The following SLIT2 variants were observed in gnomAD, a reference collection of about 807,000 sequenced individuals.
The protein encoded by SLIT2 is slit guidance ligand 2.
SLIT2 carries 41 observed loss-of-function variants against 185.7 expected under a neutral mutation model. The ratio of observed to expected loss-of-function variants is 0.22; its 90% CI spans 0.17 to 0.29. The LOEUF is 0.29. SLIT2 is among the 10% of genes least tolerant of loss of function. The probability of loss-of-function intolerance (pLI) is 1.00; values close to 1 mark genes in which losing one functional copy is unlikely to be tolerated. For missense variants in SLIT2, 1,571 were observed against 1,909.0 expected, an observed-to-expected ratio of 0.82 and a Z score of 3.30; for synonymous variants, 693 against 680.2, an observed-to-expected ratio of 1.02 and a Z score of -0.29.
In SLIT2 at chr4:20,338,418, C is replaced by T. The variant is rs116744382; in HGVS notation, c.395+69537C>T. Among the ~76,000 whole-genome samples, 822 of 152,196 alleles carry T rather than the reference C, an allele frequency of 5.4e-3. 5 individuals are homozygous for T. The highest frequency in any genetic ancestry group is 0.019 in the African/African-American group (781 of 41,520). On this transcript the variant is annotated intron_variant, in intron 4 of 36. Coordinates refer to ENST00000504154, the MANE Select transcript of SLIT2 (RefSeq NM_004787.4). ...TGTCCCTAAAAGATTCAGAAAATGA[C>T]GCTTTGATGTTAGCTTTGAAGCAGG...
intron 4 of SLIT2, among the ~76,000 whole-genome samples, chr4:20,350,230 A>AT (rs558427082): frequency 1.2e-4 from 18 of 151,660 alleles, no homozygotes; most frequent in East Asian, 3.9e-4. Context: ...TTCTGAAGTG[A>AT]TTTTTTTTAT....
chr4:20,286,912 T>C (rs1715326137), intron 4 of SLIT2, among the ~76,000 whole-genome samples: 1 of 152,174 alleles, frequency 6.6e-6, no homozygotes, highest in East Asian at 1.9e-4. Context: ...CACTCAAAGG[T>C]ACTCTGATAA....
chr4:20,519,597 C>A, intron 12 of SLIT2, 144 bp downstream of exon 12: 1 of 592,976 alleles, frequency 1.7e-6, no homozygotes, highest in Non-Finnish European at 3.0e-6. Context: ...TCCAGTCAAG[C>A]TAGTATTCGT....
chr4:20,303,167 G>T (rs1317118969), intron 4 of SLIT2, among the ~76,000 whole-genome samples: 1 of 152,112 alleles, frequency 6.6e-6, no homozygotes, highest in Admixed American at 6.6e-5. Flanking sequence ...TTTAATACAG[G>T]TTCACTCTTT....
At chr4:20,280,627 TTCTC>T (rs1714657494) in intron 4 of SLIT2, among the ~76,000 whole-genome samples, 1 of 152,176 alleles carries the variant, frequency 6.6e-6, no homozygotes, top group African/African-American at 2.4e-5. Context: ...CTAAGATGTG[TTCTC>T]TCTGTTTTTC....
intron 4 of SLIT2, among the ~76,000 whole-genome samples, chr4:20,339,817 T>TA (rs929953541): frequency 1.9e-4 from 29 of 148,806 alleles, no homozygotes; most frequent in South Asian, 1.7e-3. Flanking sequence ...CAGTGTGATT[T>TA]AAAAAAAAAA....
At chr4:20,425,511 G>A (rs749544256) in intron 4 of SLIT2, among the ~76,000 whole-genome samples, 3 of 151,996 alleles carry the variant, frequency 2.0e-5, no homozygotes, top group East Asian at 1.9e-4. Flanking sequence ...GTTTATACAC[G>A]TGTGTGGTGT....
intron 29 of SLIT2, among the ~76,000 whole-genome samples, chr4:20,583,745 G>T (rs1726801947): frequency 6.6e-6 from 1 of 151,870 alleles, no homozygotes; most frequent in Non-Finnish European, 1.5e-5. Flanking sequence ...GGAGGCAGAG[G>T]TTGCAGTGAG....
intron 4 of SLIT2, among the ~76,000 whole-genome samples, chr4:20,272,464 T>A (rs898467176): frequency 1.3e-5 from 2 of 152,016 alleles, no homozygotes; most frequent in Non-Finnish European, 2.9e-5. Context: ...TGATTATGAT[T>A]GATTGAAATT....
At chr4:20,324,492 G>T (rs1394421973) in intron 4 of SLIT2, among the ~76,000 whole-genome samples, 1 of 152,118 alleles carries the variant, frequency 6.6e-6, no homozygotes, top group Non-Finnish European at 1.5e-5. Context: ...CCAAAGGGCA[G>T]AAACCTGCAA....
chr4:20,275,727 A>G (rs914503144), intron 4 of SLIT2, among the ~76,000 whole-genome samples: 1 of 152,168 alleles, frequency 6.6e-6, no homozygotes, highest in Non-Finnish European at 1.5e-5. Flanking sequence ...AGATCTCTTC[A>G]TGCTCTCCCA....
At chr4:20,265,311 C>A (rs1712913287) in intron 3 of SLIT2, among the ~76,000 whole-genome samples, 1 of 151,880 alleles carries the variant, frequency 6.6e-6, no homozygotes, top group Admixed American at 6.6e-5. Context: ...AGGCGGCTAT[C>A]CTTTAAAATT....
rs536750168 is a variant in SLIT2 at position 20,586,712 on chromosome 4, A to G, written c.3089-2932A>G. Among the ~76,000 whole-genome samples, 8 of 152,354 alleles carry G rather than the reference A, an allele frequency of 5.3e-5. No individual in the cohort carries two copies. The South Asian group carries it at 1.7e-3, about 32-fold the overall frequency. On this transcript the variant is annotated intron_variant, in intron 29 of 36. Coordinates refer to ENST00000504154, the MANE Select transcript of SLIT2 (RefSeq NM_004787.4). ...CATGTATATGTCATAAGATAGGCAT[A>G]GTCAAACACAATATAAAATTAGAGA...
chr4:20,465,104 T>C (rs1055400294), intron 4 of SLIT2, among the ~76,000 whole-genome samples: 1 of 152,204 alleles, frequency 6.6e-6, no homozygotes, highest in Non-Finnish European at 1.5e-5. Context: ...TAGGATGAGT[T>C]AGGGAAAAGC....
intron 4 of SLIT2, among the ~76,000 whole-genome samples, chr4:20,368,233 AAGAAAAAAAAG>A (rs1235310011): frequency 8.0e-5 from 12 of 150,612 alleles, no homozygotes; most frequent in African/African-American, 2.9e-4. Flanking sequence ...AAAAAAAAAA[AAGAAAAAAAAG>A]AAAGAAAAAA....
At chr4:20,468,609 C>CTCTCTAAAT (rs1317987685) in intron 5 of SLIT2, among the ~76,000 whole-genome samples, 1 of 151,980 alleles carries the variant, frequency 6.6e-6, no homozygotes, top group Admixed American at 6.6e-5. Context: ...ATATCAATAT[C>CTCTCTAAAT]TCTCTAAATT....
intron 4 of SLIT2, among the ~76,000 whole-genome samples, chr4:20,456,476 GC>G (rs908879182): frequency 2.4e-4 from 37 of 152,034 alleles, no homozygotes; most frequent in Non-Finnish European, 2.4e-4. Context: ...TGATTTGCAT[GC>G]CACCTCACTC....
chr4:20,563,392 G>A lies in SLIT2; in HGVS notation c.2726-3870G>A, dbSNP rs190067324. Among the ~76,000 whole-genome samples, 192 of 151,848 alleles carry A rather than the reference G, an allele frequency of 1.3e-3. 3 individuals carry two copies. Among genetic ancestry groups the A allele is most frequent in the Admixed American group, 9.1e-3 (138 of 15,208 alleles). On this transcript the variant is annotated intron_variant, in intron 26 of 36. Coordinates refer to ENST00000504154, the MANE Select transcript of SLIT2 (RefSeq NM_004787.4). ...TCTTGGAACCAGTTAGCTTTAGAAA[G>A]GAGAAAAGCTTAAAGATTGCAGTTC...
chr4:20,333,426 T>C (rs550560118), intron 4 of SLIT2, among the ~76,000 whole-genome samples: 2 of 152,248 alleles, frequency 1.3e-5, no homozygotes, highest in South Asian at 4.1e-4. Flanking sequence ...TTTAAATCAT[T>C]GTATGATTAT....
Sources: gnomAD v4.1 joint callset for allele counts (sites outside exome capture counted in the v4.1 genomes callset) on GRCh38, gnomAD v4.1.1 for gene constraint, MANE v1.5 for transcripts, NCBI Gene and HGNC (gene_info 2026-07-23, HGNC 2026-07-21) for gene names.